Variants in C5orf22 observed in about 807,000 individuals in gnomAD.
C5orf22 encodes the protein chromosome 5 open reading frame 22.
C5orf22 carries 36 observed loss-of-function variants against 48.7 expected under a neutral mutation model. The ratio of observed to expected loss-of-function variants is 0.74; its 90% CI spans 0.57 to 0.98. The LOEUF (loss-of-function observed/expected upper bound fraction) is 0.98, where lower values mean the gene tolerates loss of function less well. Among genes scored for constraint, C5orf22 ranks in the 50% least tolerant of loss-of-function variants. The pLI, the probability that C5orf22 is intolerant of heterozygous loss-of-function variation, is 0.00. For missense variants in C5orf22, 486 were observed against 521.9 expected (o/e 0.93, Z 0.67); for synonymous variants, 141 against 180.8 (o/e 0.78, Z 1.76).
rs574603887 is a variant in C5orf22, at chr5:31,538,456, T to G, written c.574T>G (p.Ser192Ala). The stretch of plus-strand genomic sequence containing the variant: ...CCTGGAAGATTCGGAAAACACTGCC[T>G]CTACTAACTGTGACTCTTCTTCAGA... The part of the protein sequence containing the change: ...LALEDSENTA[S>A]TNCDSSSEGL... The change falls in exon 4 of 9, where the codon TCT (serine) becomes GCT (alanine). Residue 192 changes from serine to alanine, a missense_variant. Transcript: ENST00000325366. The G allele has an allele frequency of 1.2e-5, 19 of 1,614,148 alleles. No homozygotes were observed. The highest frequency in any genetic ancestry group is 8.3e-5 in the Admixed American group (5 of 60,014).
At chr5:31,533,834 C>T (rs898870787) in intron 1 of C5orf22, among the ~76,000 whole-genome samples, 1 of 152,046 alleles carries the variant, frequency 6.6e-6, no homozygotes, top group Non-Finnish European at 1.5e-5. Context: ...CCCAGGAGTC[C>T]AAGGCTGCAG....
chr5:31,541,100 C>T (rs1742429457), intron 5 of C5orf22, 89 bp downstream of exon 5: 1 of 1,105,754 alleles, frequency 9.0e-7, no homozygotes, highest in South Asian at 1.4e-5. Context: ...TCAAAGACTG[C>T]TCAAAGTGTG....
chr5:31,541,664 T>G (rs1286887060), intron 6 of C5orf22, among the ~76,000 whole-genome samples: 1 of 152,050 alleles, frequency 6.6e-6, no homozygotes, highest in Admixed American at 6.6e-5. Flanking sequence ...TCCCAGCTAC[T>G]TGGGAGGCTG....
chr5:31,554,925 A>T lies in C5orf22; in HGVS notation c.*2023A>T, dbSNP rs1743505154. 1 of 152,192 alleles carries T rather than the reference A, an allele frequency of 6.6e-6. No homozygotes were observed. The highest frequency in any genetic ancestry group is 1.5e-5 in the Non-Finnish European group (1 of 68,044). 9.4% of individuals were successfully genotyped at this position (152,192 alleles called of 1,614,324 possible). A position where few individuals can be genotyped will look rare whatever the true frequency, so the allele number is the denominator to read the frequency against. On this transcript the variant is annotated 3_prime_UTR_variant, in exon 9 of 9. Coordinates refer to ENST00000325366, the MANE Select transcript of C5orf22 (RefSeq NM_018356.3). ...TTATGTCTTGCACATTCCAAATAGG[A>T]AGGTATTTACTTTATCAAGATGTGT...
In C5orf22 at chr5:31,538,242, T is replaced by A. The variant is rs748254831; in HGVS notation, c.378-18T>A. 2.0e-4 allele frequency: 305 copies of A among 1,545,274 alleles called. 3 individuals are homozygous for A. In the African/African-American group the frequency reaches 3.5e-3, roughly 18 times the overall value. On this transcript the variant is annotated intron_variant, in intron 3 of 8. Coordinates refer to ENST00000325366, the MANE Select transcript of C5orf22 (RefSeq NM_018356.3). ...ATTTGCCCATTCTTCTTAAAAATCG[T>A]TTTTTCCTCTGATTCAGGGTTACAA...
rs572733799 is a variant in C5orf22 at position 31,554,011 on chromosome 5, T to C, written c.*1109T>C. ...GACCTGCCATAAATACCCAAAGATA[T>C]AAACTGTCTTCCACCACCCCCCTCA... On this transcript the variant is annotated 3_prime_UTR_variant, in exon 9 of 9. Coordinates refer to ENST00000325366, the MANE Select transcript of C5orf22 (RefSeq NM_018356.3). 4 of 152,278 alleles carry C rather than the reference T, an allele frequency of 2.6e-5. No individual in the cohort carries two copies. In the East Asian group the frequency reaches 5.8e-4, roughly 22 times the overall value. The allele number at this position is 152,278 out of a possible 1,614,324, so 9.4% of individuals were successfully genotyped here. A position where few individuals can be genotyped will look rare whatever the true frequency, so the allele number is the denominator to read the frequency against.
In C5orf22 at chr5:31,532,333, G is replaced by C. The variant is rs1741571246; in HGVS notation, c.-60G>C. The C allele has an allele frequency of 1.3e-6, 2 of 1,570,834 alleles. No homozygotes were observed. The highest frequency in any genetic ancestry group is 1.8e-6 in the Non-Finnish European group (2 of 1,141,604). Reference sequence around the variant, plus strand: ...GAGAGCTGGCCGGGATGAGGCGCCGGCTTTCCCGGGTCTTCTCCAGCTGCC... The same window carrying C: ...GAGAGCTGGCCGGGATGAGGCGCCGCCTTTCCCGGGTCTTCTCCAGCTGCC... On this transcript the variant is annotated 5_prime_UTR_variant, in exon 1 of 9. Transcript: ENST00000325366.
At chr5:31,541,583 C>A (rs1580446940) in intron 6 of C5orf22, among the ~76,000 whole-genome samples, 181 bp downstream of exon 6, 1 of 151,952 alleles carries the variant, frequency 6.6e-6, no homozygotes, top group Non-Finnish European at 1.5e-5. Context: ...TAACAAGACC[C>A]TGTCTCTAAA....
intron 7 of C5orf22, chr5:31,548,394 C>A: frequency 4.1e-6 from 1 of 242,984 alleles, no homozygotes; most frequent in Non-Finnish European, 8.4e-6. Context: ...TATGCTAAAT[C>A]ATCTCTCAAC....
intron 6 of C5orf22, 94 bp downstream of exon 6, chr5:31,541,496 T>A: frequency 7.2e-7 from 1 of 1,394,004 alleles, no homozygotes; most frequent in Non-Finnish European, 9.9e-7. Context: ...TTTAAAAAAG[T>A]AGTATTCAGC....
At chr5:31,538,767 TA>T (rs1742271820) in intron 4 of C5orf22, 78 bp downstream of exon 4, 5 of 1,040,222 alleles carry the variant, frequency 4.8e-6, no homozygotes, top group Non-Finnish European at 6.9e-6. Context: ...GCAAACTCTT[TA>T]AACAGCCAGC....
Position 31,552,844 on chromosome 5 carries a change from G to A in C5orf22, c.1271G>A (p.Arg424His), listed in dbSNP as rs139349218. 1.3e-3 allele frequency: 2,030 copies of A among 1,613,394 alleles called. 6 individuals carry two copies. The highest frequency in any genetic ancestry group is 2.2e-3 in the African/African-American group (163 of 74,976). ...TIQEKVLNMLRALYGNLDLQV... is the reference protein window; with the variant it reads ...TIQEKVLNMLHALYGNLDLQV... ...CAAGAAAAGGTCCTCAATATGCTAC[G>A]TGCCCTCTATGGAAATCTAGACCTC... is the stretch of plus-strand genomic sequence containing the variant. The change falls in exon 9 of 9, where the codon CGT (arginine) becomes CAT (histidine). Residue 424 changes from arginine to histidine, a missense_variant. Physicochemically the swap from Arg to His is conservative, Grantham distance 29. Coordinates refer to ENST00000325366, the MANE Select transcript of C5orf22 (RefSeq NM_018356.3).
chr5:31,545,894 G>T (rs142281563), intron 7 of C5orf22, among the ~76,000 whole-genome samples, 182 bp downstream of exon 7: 1 of 151,998 alleles, frequency 6.6e-6, no homozygotes, highest in Non-Finnish European at 1.5e-5. Flanking sequence ...CTGTTTTCCT[G>T]GAAAAGTCTT....
chr5:31,536,708 C>T (rs1742119541), intron 3 of C5orf22, among the ~76,000 whole-genome samples: 1 of 152,138 alleles, frequency 6.6e-6, no homozygotes, highest in Non-Finnish European at 1.5e-5. Context: ...TATCCTCTGA[C>T]TTGAGATAAA....
chr5:31,541,510 T>C (rs1742469264), intron 6 of C5orf22, 108 bp downstream of exon 6: 2 of 1,228,732 alleles, frequency 1.6e-6, no homozygotes, highest in South Asian at 1.5e-5. Context: ...ATTCAGCTAC[T>C]TGGGACACTG....
rs1743386575 is a variant in C5orf22 at position 31,553,099 on chromosome 5, C to G, written c.*197C>G. On this transcript the variant is annotated 3_prime_UTR_variant, in exon 9 of 9. Transcript: ENST00000325366. ...TTTTTTGGCATCAAGTCTCATAACC[C>G]CAACTGATAGAACTGTTGCTTATCT... 2.2e-6 allele frequency: 1 copy of G among 454,056 alleles called. No homozygotes were observed. The highest frequency in any genetic ancestry group is 2.0e-5 in the African/African-American group (1 of 50,536). The allele number at this position is 454,056 out of a possible 1,614,324, so 28.1% of individuals were successfully genotyped here. A position where few individuals can be genotyped will look rare whatever the true frequency, so the allele number is the denominator to read the frequency against.
intron 7 of C5orf22, among the ~76,000 whole-genome samples, chr5:31,547,632 G>A (rs1296468347): frequency 6.6e-6 from 1 of 152,228 alleles, no homozygotes; most frequent in Non-Finnish European, 1.5e-5. Flanking sequence ...AACACCACAA[G>A]GAAGCTGCCA....
chr5:31,540,143 C>T (rs1256403852), intron 4 of C5orf22, among the ~76,000 whole-genome samples: 1 of 152,178 alleles, frequency 6.6e-6, no homozygotes, highest in Non-Finnish European at 1.5e-5. Flanking sequence ...ATTACTTAAC[C>T]TTTCCGACCC....
intron 4 of C5orf22, among the ~76,000 whole-genome samples, chr5:31,539,053 G>T (rs1239176289): frequency 6.6e-6 from 1 of 151,802 alleles, no homozygotes; most frequent in African/African-American, 2.4e-5. Context: ...TGTATTCCTG[G>T]ATTTAACCAG....
Sources: allele counts gnomAD v4.1 joint callset (sites outside exome capture counted in the v4.1 genomes callset), GRCh38; gene constraint gnomAD v4.1.1; transcripts MANE v1.5; gene names NCBI Gene and HGNC (gene_info 2026-07-23, HGNC 2026-07-21).